GIT1: variants seen among roughly 807,000 people sequenced by gnomAD.
GIT1 encodes the protein ARF GTPase-activating protein GIT1.
A neutral mutation model predicts 91.7 loss-of-function variants in GIT1; 14 were observed. That is an observed-to-expected ratio of 0.15 (90% CI 0.10 to 0.24). The LOEUF is 0.24. Among genes scored for constraint, GIT1 ranks in the 10% least tolerant of loss-of-function variants. GIT1 has a pLI of 1.00. For synonymous variants in GIT1, 414 were observed against 418.2 expected (o/e 0.99, Z 0.12); for missense variants, 717 against 1,024.9 (o/e 0.70, Z 4.10).
In GIT1 at chr17:29,575,094, G is replaced by A. The variant is rs776806033; in HGVS notation, c.2058C>T (p.Ala686=). The change falls in exon 19 of 20, where the codon GCC becomes GCT. Residue 686 remains alanine (A), a synonymous_variant. Coordinates refer to ENST00000225394, the MANE Select transcript of GIT1 (RefSeq NM_014030.4). The surrounding 1 kb of genome is among the most constrained non-coding windows in gnomAD (Gnocchi z 5.5). ...EKIHLAVTEM[A]SLFPKRPALE... ...GCCCCTGTACCTTTGGGAAGAGGGA[G>A]GCCATCTCGGTCACAGCCAAATGGA... 5.0e-6 allele frequency: 8 copies of A among 1,598,860 alleles called. No homozygotes were observed. Among genetic ancestry groups the A allele is most frequent in the Non-Finnish European group, 6.8e-6 (8 of 1,168,620 alleles).
In GIT1 at chr17:29,573,836, G is replaced by A. The variant is rs1382765197; in HGVS notation, c.*866C>T. On this transcript the variant is annotated 3_prime_UTR_variant, in exon 20 of 20. Coordinates refer to ENST00000225394, the MANE Select transcript of GIT1 (RefSeq NM_014030.4). ...TTCCCCCTCCACGCAGGAGCAGGAG[G>A]AGATGGAGGGAAGTGGTTTTTGATT... is the stretch of plus-strand genomic sequence containing the variant. The A allele has an allele frequency of 6.5e-6, 1 of 152,682 alleles. No homozygotes were observed. The highest frequency in any genetic ancestry group is 2.4e-5 in the African/African-American group (1 of 41,420). The allele number at this position is 152,682 out of a possible 1,614,324, so 9.5% of individuals were successfully genotyped here. A position where few individuals can be genotyped will look rare whatever the true frequency, so the allele number is the denominator to read the frequency against.
chr17:29,581,229 G>A lies in GIT1; in HGVS notation c.761+109C>T. The A allele has an allele frequency of 1.3e-6, 1 of 793,452 alleles. No individual in the cohort carries two copies. Among genetic ancestry groups the A allele is most frequent in the South Asian group, 1.4e-5 (1 of 71,960 alleles). The allele number at this position is 793,452 out of a possible 1,614,324, so 49.2% of individuals were successfully genotyped here. On this transcript the variant is annotated intron_variant, in intron 7 of 19. Transcript: ENST00000225394. This position sits in a 1 kb window ranked among gnomAD's most constrained non-coding sequence, Gnocchi z 4.8. ...TAAGCTGTGCCTCTAGTCTCTGGGG[G>A]GAGGGAGCAGGGTCCTAGGCCTCTG... is the stretch of plus-strand genomic sequence containing the variant.
rs1258911356 is a variant in GIT1, at chr17:29,578,717, T to G, written c.810+14A>C. 1 of 1,611,850 alleles carries G rather than the reference T, an allele frequency of 6.2e-7. No individual in the cohort carries two copies. Among genetic ancestry groups the G allele is most frequent in the South Asian group, 1.1e-5 (1 of 91,028 alleles). On this transcript the variant is annotated intron_variant, in intron 8 of 19. Coordinates refer to ENST00000225394, the MANE Select transcript of GIT1 (RefSeq NM_014030.4). Reference sequence around the variant, plus strand: ...CCAGCTTCAAGTGTCAGGGCACTGTTGGAGCAGACTTACCGCCTGCAGCTT... The same window carrying G: ...CCAGCTTCAAGTGTCAGGGCACTGTGGGAGCAGACTTACCGCCTGCAGCTT...
chr17:29,589,209 G>T lies in GIT1; in HGVS notation c.52+118C>A. On this transcript the variant is annotated intron_variant, in intron 1 of 19. Transcript: ENST00000225394. This position sits in a 1 kb window ranked among gnomAD's most constrained non-coding sequence, Gnocchi z 5.2. ...GCCGAGGCGGGGGCCCAGCCTGGAGGCCGCAGCCCCCCGCCCCGCCCAGCC... is the reference window on the plus strand; with the variant it reads ...GCCGAGGCGGGGGCCCAGCCTGGAGTCCGCAGCCCCCCGCCCCGCCCAGCC... 3.4e-6 allele frequency: 1 copy of T among 297,058 alleles called. No individual in the cohort carries two copies. Among genetic ancestry groups the T allele is most frequent in the Non-Finnish European group, 5.0e-6 (1 of 199,390 alleles). 18.4% of individuals were successfully genotyped at this position (297,058 alleles called of 1,614,324 possible). A position where few individuals can be genotyped will look rare whatever the true frequency, so the allele number is the denominator to read the frequency against.
chr17:29,584,114 C>T (rs2033500785), intron 1 of GIT1, among the ~76,000 whole-genome samples: 1 of 152,220 alleles, frequency 6.6e-6, no homozygotes, highest in Non-Finnish European at 1.5e-5. Flanking sequence ...AGCCTCCTGC[C>T]ATCATCACTG....
At chr17:29,576,720 C>A in intron 12 of GIT1, 46 bp from the exon 13 acceptor site, 1 of 1,608,878 alleles carries the variant, frequency 6.2e-7, no homozygotes, top group Middle Eastern at 1.8e-4. Flanking sequence ...GGCAGGGAGG[C>A]CAACACCCGC....
intron 2 of GIT1, 39 bp downstream of exon 2, chr17:29,583,444 C>T (rs2033472344): frequency 1.2e-6 from 2 of 1,602,152 alleles, no homozygotes; most frequent in Non-Finnish European, 1.7e-6. Context: ...GCACACTCTG[C>T]CTGAGGGGAA....
At chr17:29,583,107 G>A in intron 2 of GIT1, 70 bp from the exon 3 acceptor site, 2 of 1,063,338 alleles carry the variant, frequency 1.9e-6, no homozygotes, top group Admixed American at 1.8e-5. Context: ...CACTTCCTGA[G>A]CGCCTGCTGT....
chr17:29,588,590 G>T (rs1210984846), intron 1 of GIT1, among the ~76,000 whole-genome samples: 1 of 152,170 alleles, frequency 6.6e-6, no homozygotes, highest in Non-Finnish European at 1.5e-5. Flanking sequence ...CCGCACCCAG[G>T]ATAGCTTGAT....
chr17:29,583,383 A>C, intron 2 of GIT1, 100 bp downstream of exon 2: 1 of 1,309,606 alleles, frequency 7.6e-7, no homozygotes. Flanking sequence ...TGGAAGCTGC[A>C]GATTCCAGAT....
chr17:29,574,656 T>C lies in GIT1; in HGVS notation c.*46A>G. 2.8e-6 allele frequency: 4 copies of C among 1,437,572 alleles called. No individual in the cohort carries two copies. Among genetic ancestry groups the C allele is most frequent in the Non-Finnish European group, 3.9e-6 (4 of 1,022,562 alleles). 89.1% of individuals were successfully genotyped at this position (1,437,572 alleles called of 1,614,324 possible). On this transcript the variant is annotated 3_prime_UTR_variant, in exon 20 of 20. Coordinates refer to ENST00000225394, the MANE Select transcript of GIT1 (RefSeq NM_014030.4). ...AATGTCTGGAGTGGCCCAGCTCCTA[T>C]GGCCAGTGAGGTCCTAGGGTGCAGG...
chr17:29,581,574 G>A lies in GIT1; in HGVS notation c.718+168C>T, dbSNP rs537225343. On this transcript the variant is annotated intron_variant, in intron 6 of 19. Coordinates refer to ENST00000225394, the MANE Select transcript of GIT1 (RefSeq NM_014030.4). This position sits in a 1 kb window ranked among gnomAD's most constrained non-coding sequence, Gnocchi z 4.8. ...CCCACCCCCACTCCCTAGCCCCAGCGATGCTATGGCCCAGAGCCTGCAGTA... is the reference window on the plus strand; with the variant it reads ...CCCACCCCCACTCCCTAGCCCCAGCAATGCTATGGCCCAGAGCCTGCAGTA... 12 of 694,324 alleles carry A rather than the reference G, an allele frequency of 1.7e-5. No individual in the cohort carries two copies. The highest frequency in any genetic ancestry group is 7.0e-5 in the African/African-American group (4 of 57,108). 43.0% of individuals were successfully genotyped at this position (694,324 alleles called of 1,614,324 possible).
chr17:29,580,897 C>T, intron 7 of GIT1: 1 of 195,210 alleles, frequency 5.1e-6, no homozygotes, highest in Admixed American at 5.2e-5. Context: ...TCTCCTGTCT[C>T]AGCCTCCCGA....
In GIT1 at chr17:29,575,894, C is replaced by T. The variant is rs372896559; in HGVS notation, c.1670G>A (p.Arg557Gln). ...VHVPAGLYRI[R>Q]KGVSASAVPF... ...CACAGCTGAGGCAGACACCCCTTTC[C>T]GGATCTGAAACCCAGGGCAGCGCTG... The change falls in exon 16 of 20, where the codon CGG becomes CAG. Residue 557 changes from arginine (R) to glutamine (Q), a missense_variant. Arg to Gln is a conservative substitution (Grantham distance 43). Coordinates refer to ENST00000225394, the MANE Select transcript of GIT1 (RefSeq NM_014030.4). The surrounding 1 kb of genome is among the most constrained non-coding windows in gnomAD (Gnocchi z 5.5). The T allele has an allele frequency of 1.2e-5, 19 of 1,606,718 alleles. No homozygotes were observed. Among genetic ancestry groups the T allele is most frequent in the African/African-American group, 1.3e-5 (1 of 74,710 alleles).
rs1178510439 is a variant in GIT1 at position 29,582,945 on chromosome 17, G to T, written c.279C>A (p.Ala93=). 1.2e-6 allele frequency: 2 copies of T among 1,610,882 alleles called. No homozygotes were observed. Among genetic ancestry groups the T allele is most frequent in the Non-Finnish European group, 1.7e-6 (2 of 1,178,452 alleles). Residue 93 remains alanine (A), a synonymous_variant, in exon 3 of 20, where the codon GCC becomes GCA. Transcript: ENST00000225394. ...CTCACTGGACTTTGTCTTGGGGGTT[G>T]GCTTTACGCCGGCCGCTCTGCACTT... ...PAQVQSGRRK[A]NPQDKVHPIK... is the part of the protein sequence containing the mutation.
chr17:29,581,487 G>T lies in GIT1; in HGVS notation c.719-107C>A. 1 of 939,996 alleles carries T rather than the reference G, an allele frequency of 1.1e-6. No homozygotes were observed. 58.2% of individuals were successfully genotyped at this position (939,996 alleles called of 1,614,324 possible). On this transcript the variant is annotated intron_variant, in intron 6 of 19. Transcript: ENST00000225394. The surrounding 1 kb of genome is among the most constrained non-coding windows in gnomAD (Gnocchi z 4.8). ...AGGGCTGGCACCCAGAAGTGTCAGG[G>T]GAAAGTGGGGAGGGCAGGCCACCCC...
In GIT1 at chr17:29,583,014, G is replaced by A. The variant is rs745465607; in HGVS notation, c.210C>T (p.Asn70=). Residue 70 remains asparagine, a synonymous_variant, in exon 3 of 20, where the codon AAC becomes AAT. Coordinates refer to ENST00000225394, the MANE Select transcript of GIT1 (RefSeq NM_014030.4). ...AGTGCTCCCAGATGGAGTTGGCCCC[G>A]TTGCTGGCAAGCGTGTGCACCATCT... is the stretch of plus-strand genomic sequence containing the variant. The part of the protein sequence containing the change: ...LLQMVHTLAS[N]GANSIWEHSL... 24 of 1,610,334 alleles carry A rather than the reference G, an allele frequency of 1.5e-5. No individual in the cohort carries two copies. Among genetic ancestry groups the A allele is most frequent in the South Asian group, 6.6e-5 (6 of 91,066 alleles).
At position 29,575,271 on chromosome 17, in the gene GIT1, C is replaced by T; in HGVS notation, c.2009+17G>A. The stretch of plus-strand genomic sequence containing the variant: ...AACAGGAACTGCATCCCCCTCACCT[C>T]CCCCTCCACTCAGTACCTGTCATGC... On this transcript the variant is annotated intron_variant, in intron 18 of 19. Transcript: ENST00000225394. The surrounding 1 kb of genome is among the most constrained non-coding windows in gnomAD (Gnocchi z 5.5). 6.2e-7 allele frequency: 1 copy of T among 1,601,366 alleles called. No individual in the cohort carries two copies. Among genetic ancestry groups the T allele is most frequent in the Non-Finnish European group, 8.5e-7 (1 of 1,172,350 alleles).
In GIT1 at chr17:29,583,012, C is replaced by T; in HGVS notation, c.212G>A (p.Gly71Glu). 1 of 1,611,010 alleles carries T rather than the reference C, an allele frequency of 6.2e-7. No homozygotes were observed. Residue 71 changes from glycine (G) to glutamate (E), a missense_variant, in exon 3 of 20, where the codon GGG becomes GAG. Coordinates refer to ENST00000225394, the MANE Select transcript of GIT1 (RefSeq NM_014030.4). ...LQMVHTLASN[G>E]ANSIWEHSLL... ...GGAGTGCTCCCAGATGGAGTTGGCC[C>T]CGTTGCTGGCAAGCGTGTGCACCAT...
Sources: gnomAD v4.1 joint callset for allele counts (sites outside exome capture counted in the v4.1 genomes callset) on GRCh38, gnomAD v4.1.1 for gene constraint, Gnocchi (gnomAD v3.1) non-coding constraint, MANE v1.5 for transcripts, NCBI Gene and HGNC (gene_info 2026-07-23, HGNC 2026-07-21) for gene names.